Variants in NMNAT2 observed in about 807,000 individuals in gnomAD.
The protein encoded by NMNAT2 is nicotinamide/nicotinic acid mononucleotide adenylyltransferase 2.
In NMNAT2, 11 loss-of-function variants were observed where a neutral mutation model predicts 41.6. The observed-to-expected ratio is 0.26, with a 90% CI of 0.17 to 0.44. The LOEUF (loss-of-function observed/expected upper bound fraction) is 0.44. NMNAT2 is among the 20% of genes least tolerant of loss of function. The pLI, the probability that NMNAT2 is intolerant of heterozygous loss-of-function variation, is 1.00. For missense variants in NMNAT2, 288 were observed against 407.7 expected, an observed-to-expected ratio of 0.71 and a Z score of 2.53; for synonymous variants, 148 against 151.2, an observed-to-expected ratio of 0.98 and a Z score of 0.16.
At chr1:183,269,803 C>T (rs990620017) in intron 8 of NMNAT2, among the ~76,000 whole-genome samples, 4 of 152,168 alleles carry the variant, frequency 2.6e-5, no homozygotes, top group Admixed American at 6.5e-5. Flanking sequence ...TGGAATCCAC[C>T]GTGGTCTGCC....
intron 8 of NMNAT2, among the ~76,000 whole-genome samples, chr1:183,270,449 T>A (rs1660955310): frequency 6.6e-6 from 1 of 151,438 alleles, no homozygotes; most frequent in African/African-American, 2.4e-5. Context: ...CCCCTGCCAC[T>A]CTCTGGAGGA....
At chr1:183,352,586 AGAG>A (rs1432613336) in intron 1 of NMNAT2, among the ~76,000 whole-genome samples, 1 of 142,094 alleles carries the variant, frequency 7.0e-6, no homozygotes, top group African/African-American at 2.6e-5. Context: ...AAAAAAAAAA[AGAG>A]ATTTGTGAGT....
At chr1:183,417,802 C>T (rs1649297745) in intron 1 of NMNAT2, among the ~76,000 whole-genome samples, 1 of 152,206 alleles carries the variant, frequency 6.6e-6, no homozygotes, top group Admixed American at 6.5e-5. Context: ...CAGCCCCTTC[C>T]TCCCCTACTC....
At chr1:183,357,873 T>C (rs1467743927) in intron 1 of NMNAT2, among the ~76,000 whole-genome samples, 1 of 152,192 alleles carries the variant, frequency 6.6e-6, no homozygotes, top group Non-Finnish European at 1.5e-5. Context: ...TAAATAACTG[T>C]TTAACTCAGT....
At chr1:183,373,348 G>A (rs557517688) in intron 1 of NMNAT2, among the ~76,000 whole-genome samples, 2 of 152,280 alleles carry the variant, frequency 1.3e-5, no homozygotes, top group South Asian at 4.2e-4. Flanking sequence ...TCCTTTACAT[G>A]GGACTTCATA....
chr1:183,356,058 C>T (rs1663178013), intron 1 of NMNAT2, among the ~76,000 whole-genome samples: 1 of 152,212 alleles, frequency 6.6e-6, no homozygotes, highest in African/African-American at 2.4e-5. Flanking sequence ...GTGGTCAACT[C>T]ATAATAGCCA....
At chr1:183,302,035 T>C (rs957078932) in intron 1 of NMNAT2, among the ~76,000 whole-genome samples, 2 of 152,238 alleles carry the variant, frequency 1.3e-5, no homozygotes, top group Non-Finnish European at 2.9e-5. Context: ...GAAGACCAAG[T>C]GCTGGATGAT....
chr1:183,406,073 C>T (rs1648946739), intron 1 of NMNAT2, among the ~76,000 whole-genome samples: 2 of 152,114 alleles, frequency 1.3e-5, no homozygotes, highest in Non-Finnish European at 1.5e-5. Context: ...TAACTTGATT[C>T]ATTTAGAAAA....
intron 1 of NMNAT2, among the ~76,000 whole-genome samples, chr1:183,303,959 C>T (rs1661931747): frequency 1.3e-5 from 2 of 152,270 alleles, no homozygotes; most frequent in South Asian, 4.1e-4. Context: ...CATCTACTAA[C>T]ACTTGTCCTC....
chr1:183,270,606 C>T (rs967691650), intron 8 of NMNAT2, among the ~76,000 whole-genome samples: 3 of 152,108 alleles, frequency 2.0e-5, no homozygotes, highest in Non-Finnish European at 4.4e-5. Context: ...CCACTGCCAA[C>T]TTAACTGGGG....
intron 8 of NMNAT2, among the ~76,000 whole-genome samples, chr1:183,271,384 C>T (rs1660985306): frequency 6.6e-6 from 1 of 152,158 alleles, no homozygotes; most frequent in Non-Finnish European, 1.5e-5. Context: ...TCTTCTCTTT[C>T]CACCTACTTA....
intron 8 of NMNAT2, among the ~76,000 whole-genome samples, chr1:183,276,681 G>T (rs1270345261): frequency 1.3e-5 from 2 of 152,202 alleles, no homozygotes; most frequent in African/African-American, 4.8e-5. Flanking sequence ...CTCCAGGACG[G>T]CCCAGGCCTC....
intron 1 of NMNAT2, among the ~76,000 whole-genome samples, chr1:183,342,041 T>TA (rs1032443952): frequency 4.5e-5 from 6 of 132,496 alleles, no homozygotes; most frequent in African/African-American, 8.0e-5. Flanking sequence ...TTTTTTTTTT[T>TA]ACCAACCCTT....
At chr1:183,265,167 A>G (rs1011578889) in intron 8 of NMNAT2, among the ~76,000 whole-genome samples, 2 of 9,412 alleles carry the variant, frequency 2.1e-4, no homozygotes, top group Non-Finnish European at 6.6e-3. Flanking sequence ...ACCTGCTAAC[A>G]TAAACAAATA....
At chr1:183,304,632 C>T (rs1346207908) in intron 1 of NMNAT2, 8 of 1,589,608 alleles carry the variant, frequency 5.0e-6, no homozygotes, top group South Asian at 1.1e-5. Flanking sequence ...CCAGCTGCCC[C>T]GCCCTCATGC....
intron 1 of NMNAT2, among the ~76,000 whole-genome samples, chr1:183,326,236 T>C (rs1261415756): frequency 1.3e-5 from 2 of 151,636 alleles, no homozygotes; most frequent in Non-Finnish European, 2.9e-5. Context: ...ATTAGCTGGG[T>C]ATGGTGGTGC....
chr1:183,315,394 CAT>C (rs57913948), intron 1 of NMNAT2, among the ~76,000 whole-genome samples: 14,280 of 152,204 alleles, frequency 0.094, 939 homozygotes, highest in East Asian at 0.33. Flanking sequence ...ATGTCGGTAA[CAT>C]GTGCAATAAC....
chr1:183,368,749 C>T (rs1289741457), intron 1 of NMNAT2, among the ~76,000 whole-genome samples: 1 of 152,196 alleles, frequency 6.6e-6, no homozygotes, highest in Non-Finnish European at 1.5e-5. Flanking sequence ...CCATTCTCTT[C>T]TCAGTCATCC....
chr1:183,359,699 C>G (rs1663265758), intron 1 of NMNAT2, among the ~76,000 whole-genome samples: 1 of 151,940 alleles, frequency 6.6e-6, no homozygotes, highest in Admixed American at 6.6e-5. Context: ...CTTTTTTGCT[C>G]CCATGCCCAG....
Sources: gnomAD v4.1 joint callset for allele counts (sites outside exome capture counted in the v4.1 genomes callset) on GRCh38, gnomAD v4.1.1 for gene constraint, MANE v1.5 for transcripts, NCBI Gene and HGNC (gene_info 2026-07-23, HGNC 2026-07-21) for gene names.